The following PTN variants were observed in gnomAD, a reference collection of about 807,000 sequenced individuals.
PTN encodes the protein heparin affin regulatory protein.
A neutral mutation model predicts 24.1 loss-of-function variants in PTN; 18 were observed. That is an observed-to-expected ratio of 0.75 (90% CI 0.52 to 1.11). The LOEUF is 1.11. Ranked by LOEUF, PTN falls within the 50% of genes least tolerant of loss-of-function variation. The pLI is 0.00. For synonymous variants in PTN, 78 were observed against 68.6 expected, an observed-to-expected ratio of 1.14 and a Z score of -0.67; for missense variants, 163 against 198.8, an observed-to-expected ratio of 0.82 and a Z score of 1.08.
intron 1 of PTN, among the ~76,000 whole-genome samples, chr7:137,312,968 T>G (rs1329875984): frequency 6.6e-6 from 1 of 152,202 alleles, no homozygotes; most frequent in African/African-American, 2.4e-5. Context: ...TATTTAATAT[T>G]TTATGTACTC....
At chr7:137,232,241 G>C (rs1045452974) in intron 4 of PTN, among the ~76,000 whole-genome samples, 1 of 151,954 alleles carries the variant, frequency 6.6e-6, no homozygotes, top group African/African-American at 2.4e-5. Context: ...TGAAAGTAAA[G>C]GGCACCTGCC....
chr7:137,297,935 G>A (rs893796735), intron 1 of PTN, among the ~76,000 whole-genome samples: 6 of 152,060 alleles, frequency 3.9e-5, no homozygotes, highest in African/African-American at 9.6e-5. Flanking sequence ...TCCAGGTGTC[G>A]TTTACCGTCT....
chr7:137,273,353 A>G (rs1809307204), intron 1 of PTN, among the ~76,000 whole-genome samples: 2 of 152,194 alleles, frequency 1.3e-5, no homozygotes, highest in South Asian at 4.1e-4. Flanking sequence ...ATGTTGTATT[A>G]GCATGTTTTC....
chr7:137,262,978 A>G (rs1246948532), intron 1 of PTN, among the ~76,000 whole-genome samples: 1 of 152,064 alleles, frequency 6.6e-6, no homozygotes, highest in Non-Finnish European at 1.5e-5. Flanking sequence ...ACAACATGAG[A>G]GGGTCTCTCT....
intron 4 of PTN, among the ~76,000 whole-genome samples, chr7:137,250,511 G>T (rs907390932): frequency 2.0e-5 from 3 of 152,152 alleles, no homozygotes; most frequent in Admixed American, 2.0e-4. Context: ...TTGTGAGGGG[G>T]TTAAAACTTC....
chr7:137,280,134 C>T (rs1809443140), intron 1 of PTN, among the ~76,000 whole-genome samples: 1 of 152,140 alleles, frequency 6.6e-6, no homozygotes, highest in Admixed American at 6.5e-5. Context: ...GTCTAAGCAT[C>T]TGACATATGT....
chr7:137,310,241 G>A (rs975877491), intron 1 of PTN, among the ~76,000 whole-genome samples: 9 of 151,974 alleles, frequency 5.9e-5, no homozygotes, highest in Admixed American at 1.3e-4. Flanking sequence ...TAAAATATTC[G>A]GTAAACCACG....
At chr7:137,243,197 A>C (rs2128869519) in intron 4 of PTN, among the ~76,000 whole-genome samples, 1 of 152,280 alleles carries the variant, frequency 6.6e-6, no homozygotes, top group African/African-American at 2.4e-5. Flanking sequence ...AGCCTCCCAA[A>C]GTGCTGGGAT....
At chr7:137,237,959 A>G (rs914599397) in intron 4 of PTN, among the ~76,000 whole-genome samples, 3 of 152,188 alleles carry the variant, frequency 2.0e-5, no homozygotes, top group Non-Finnish European at 2.9e-5. Context: ...CCTGCCATCA[A>G]TATCTGTGGG....
In PTN at chr7:137,228,088, A is replaced by G; in HGVS notation, c.452-13T>C. ...TTCTTAGATTCTGCTGTGATTACAA[A>G]AAAGAGAGACAGAAAGAGAGAAAGA... On this transcript the variant is annotated splice_polypyrimidine_tract_variant and intron_variant, in intron 4 of 4. Coordinates refer to ENST00000348225, the MANE Select transcript of PTN (RefSeq NM_002825.7). The G allele has an allele frequency of 6.8e-7, 1 of 1,476,496 alleles. No homozygotes were observed. The highest frequency in any genetic ancestry group is 9.4e-7 in the Non-Finnish European group (1 of 1,061,062). 91.5% of individuals were successfully genotyped at this position (1,476,496 alleles called of 1,614,324 possible).
At chr7:137,317,161 C>T (rs189352243) in intron 1 of PTN, among the ~76,000 whole-genome samples, 27 of 152,284 alleles carry the variant, frequency 1.8e-4, no homozygotes, top group East Asian at 7.7e-4. Context: ...TGATGAAAAT[C>T]GGCCTGGGTG....
At chr7:137,230,806 C>T (rs767155463) in intron 4 of PTN, among the ~76,000 whole-genome samples, 10 of 151,968 alleles carry the variant, frequency 6.6e-5, no homozygotes, top group South Asian at 2.1e-4. Flanking sequence ...AACGCCCTTA[C>T]GTAATAGATG....
intron 1 of PTN, among the ~76,000 whole-genome samples, chr7:137,301,331 T>C (rs952460868): frequency 1.3e-5 from 2 of 151,864 alleles, no homozygotes; most frequent in African/African-American, 4.8e-5. Context: ...GTAGACAGCG[T>C]AGGCTCCTCA....
At chr7:137,331,253 C>T (rs1810353837) in intron 1 of PTN, among the ~76,000 whole-genome samples, 1 of 152,192 alleles carries the variant, frequency 6.6e-6, no homozygotes, top group South Asian at 2.1e-4. Flanking sequence ...CCCCCTTATT[C>T]CTGCTGAACT....
At chr7:137,252,687 T>C (rs1373315143) in intron 3 of PTN, among the ~76,000 whole-genome samples, 2 of 151,814 alleles carry the variant, frequency 1.3e-5, no homozygotes, top group South Asian at 2.1e-4. Context: ...TGCATTTCCA[T>C]AGAACACAGA....
chr7:137,309,902 TC>T (rs1809951562), intron 1 of PTN, among the ~76,000 whole-genome samples: 1 of 152,210 alleles, frequency 6.6e-6, no homozygotes, highest in Non-Finnish European at 1.5e-5. Flanking sequence ...TTTGACCTCC[TC>T]CCATGAATCA....
chr7:137,331,534 C>T (rs1002325911), intron 1 of PTN, among the ~76,000 whole-genome samples: 4 of 152,170 alleles, frequency 2.6e-5, no homozygotes, highest in African/African-American at 9.6e-5. Context: ...ACTTTAAACT[C>T]GAGCCAGTTG....
rs867347504 is a variant in PTN, at chr7:137,334,923, C to G, written c.-2+8516G>C. On this transcript the variant is annotated intron_variant, in intron 1 of 4. Transcript: ENST00000348225. ...ATGGATGAAATTGGAAATCATCATT[C>G]TCAGTAAACTATCGCAAGGACAAAA... is the stretch of plus-strand genomic sequence containing the variant. Among the ~76,000 whole-genome samples the G allele has an allele frequency of 4.6e-5, 7 of 151,216 alleles. No individual in the cohort carries two copies. The South Asian group carries it at 6.3e-4, about 14-fold the overall frequency.
rs926708569 is a variant in PTN at position 137,247,058 on chromosome 7, A to G, written c.451+4172T>C. Among the ~76,000 whole-genome samples, 3 of 152,202 alleles carry G rather than the reference A, an allele frequency of 2.0e-5. No homozygotes were observed. In the East Asian group the frequency reaches 5.8e-4, roughly 29 times the overall value. The stretch of plus-strand genomic sequence containing the variant: ...TTCCCTACTTCTATCTCCTTCACAT[A>G]TTGAATTAACATAAGAAAAAATGTT... On this transcript the variant is annotated intron_variant, in intron 4 of 4. Transcript: ENST00000348225.
Sources: allele counts gnomAD v4.1 joint callset (sites outside exome capture counted in the v4.1 genomes callset), GRCh38; gene constraint gnomAD v4.1.1; transcripts MANE v1.5; gene names NCBI Gene and HGNC (gene_info 2026-07-23, HGNC 2026-07-21).